Variants in SEMA6D observed in about 807,000 individuals in gnomAD.
SEMA6D encodes semaphorin-6D.
In SEMA6D, 35 loss-of-function variants were observed where a neutral mutation model predicts 106.6. The ratio of observed to expected loss-of-function variants is 0.33; its 90% CI spans 0.25 to 0.44. The LOEUF (loss-of-function observed/expected upper bound fraction) is 0.44. Ranked by LOEUF, SEMA6D falls within the 20% of genes least tolerant of loss-of-function variation. The probability of loss-of-function intolerance (pLI) is 1.00; values close to 1 mark genes in which losing one functional copy is unlikely to be tolerated. For missense variants in SEMA6D, 1,185 were observed against 1,345.9 expected, an observed-to-expected ratio of 0.88 and a Z score of 1.87; for synonymous variants, 499 against 487.7, an observed-to-expected ratio of 1.02 and a Z score of -0.31.
chr15:47,251,768 T>C (rs924084990), intron 1 of SEMA6D, among the ~76,000 whole-genome samples: 3 of 152,098 alleles, frequency 2.0e-5, no homozygotes, highest in Non-Finnish European at 4.4e-5. Context: ...TAGGTAGTTA[T>C]ATTTTATTTT....
At position 47,657,719 on chromosome 15, in the gene SEMA6D, C is replaced by CTTTTTTTTTTTTTTTTTTTTTTTTTTT. The variant is rs71118191; in HGVS notation, c.-55+56837_-55+56863dup. Among the ~76,000 whole-genome samples the CTTTTTTTTTTTTTTTTTTTTTTTTTTT allele has an allele frequency of 3.7e-5, 2 of 54,654 alleles. 1 individual carries two copies. The highest frequency in any genetic ancestry group is 6.3e-5 in the Non-Finnish European group (2 of 31,610). 35.9% of individuals were successfully genotyped at this position (54,654 alleles called of 152,430 possible). The stretch of plus-strand genomic sequence containing the variant: ...CATTTAGTGACAGAGGGCTTCATTT[C>CTTTTTTTTTTTTTTTTTTTTTTTTTTT]TTTTTTTTTTTTTTTTTTTTTTTTT... On this transcript the variant is annotated intron_variant, in intron 4 of 19. Coordinates refer to the SEMA6D transcript ENST00000558014.
At chr15:47,500,322 T>G (rs990390966) in intron 3 of SEMA6D, among the ~76,000 whole-genome samples, 1 of 152,012 alleles carries the variant, frequency 6.6e-6, no homozygotes, top group African/African-American at 2.4e-5. Context: ...AAAAAAAATA[T>G]AAAGATACCA....
At chr15:47,532,624 CA>C (rs1393915775) in intron 3 of SEMA6D, among the ~76,000 whole-genome samples, 2 of 152,158 alleles carry the variant, frequency 1.3e-5, no homozygotes, top group Non-Finnish European at 2.9e-5. Flanking sequence ...ATGGAGTATT[CA>C]GTTGGTTGCT....
At chr15:47,528,425 A>C (rs1055176340) in intron 3 of SEMA6D, among the ~76,000 whole-genome samples, 1 of 152,182 alleles carries the variant, frequency 6.6e-6, no homozygotes, top group Admixed American at 6.5e-5. Flanking sequence ...TTTGAAGTAG[A>C]GTTGGAAAAC....
chr15:47,437,913 G>A (rs184621129), intron 2 of SEMA6D, among the ~76,000 whole-genome samples: 113 of 152,118 alleles, frequency 7.4e-4, no homozygotes, highest in African/African-American at 2.6e-3. Context: ...ACCTTGCTGC[G>A]ACTTAAGTTT....
intron 2 of SEMA6D, among the ~76,000 whole-genome samples, chr15:47,462,138 C>T (rs2042532884): frequency 6.6e-6 from 1 of 152,034 alleles, no homozygotes; most frequent in Non-Finnish European, 1.5e-5. Flanking sequence ...ATTTTTCTGA[C>T]ATCCTGTAGC....
chr15:47,442,874 A>G (rs544524377), intron 2 of SEMA6D, among the ~76,000 whole-genome samples: 2 of 152,222 alleles, frequency 1.3e-5, no homozygotes, highest in South Asian at 4.1e-4. Flanking sequence ...GTATCCTAAA[A>G]TCTATAGATT....
At chr15:47,281,549 G>C (rs1294416589) in intron 1 of SEMA6D, among the ~76,000 whole-genome samples, 2 of 151,550 alleles carry the variant, frequency 1.3e-5, no homozygotes, top group Non-Finnish European at 2.9e-5. Flanking sequence ...ATATTGTTAT[G>C]TGTGAATTTG....
At chr15:47,306,856 T>C (rs1298066871) in intron 1 of SEMA6D, among the ~76,000 whole-genome samples, 1 of 152,268 alleles carries the variant, frequency 6.6e-6, no homozygotes, top group Non-Finnish European at 1.5e-5. Context: ...TTAGAAGATA[T>C]GCAACTCTTC....
chr15:47,220,007 G>A (rs562731698), intron 1 of SEMA6D, among the ~76,000 whole-genome samples: 3 of 152,288 alleles, frequency 2.0e-5, no homozygotes, highest in South Asian at 4.1e-4. Context: ...GTTTGTTCAT[G>A]GCAGCTGGGC....
At chr15:47,648,788 A>G (rs565663764) in intron 4 of SEMA6D, among the ~76,000 whole-genome samples, 11 of 152,312 alleles carry the variant, frequency 7.2e-5, no homozygotes, top group African/African-American at 2.4e-4. Context: ...TAATATTAGA[A>G]GGTTTTGAGT....
chr15:47,685,080 A>G (rs1030122826), intron 4 of SEMA6D, among the ~76,000 whole-genome samples: 2 of 152,258 alleles, frequency 1.3e-5, no homozygotes, highest in Admixed American at 1.3e-4. Context: ...AACATATTCT[A>G]GTCCTCTTCA....
chr15:47,296,752 A>G (rs2142935226), intron 1 of SEMA6D, among the ~76,000 whole-genome samples: 1 of 152,262 alleles, frequency 6.6e-6, no homozygotes. Context: ...ATAAATATTC[A>G]CACAATTGGT....
At chr15:47,395,186 A>G (rs995708851) in intron 1 of SEMA6D, among the ~76,000 whole-genome samples, 1 of 152,230 alleles carries the variant, frequency 6.6e-6, no homozygotes, top group Admixed American at 6.5e-5. Context: ...TTTGGAAAAT[A>G]CATTATACTA....
chr15:47,190,853 G>T (rs971235509), intron 1 of SEMA6D, among the ~76,000 whole-genome samples: 1 of 152,042 alleles, frequency 6.6e-6, no homozygotes, highest in Non-Finnish European at 1.5e-5. Context: ...CTTTTTGAAG[G>T]AATCTCCATA....
rs192970096 is a variant in SEMA6D, at chr15:47,601,673, A to G, written c.-55+777A>G. Among the ~76,000 whole-genome samples, 215 of 152,302 alleles carry G rather than the reference A, an allele frequency of 1.4e-3. 2 individuals carry two copies. The highest frequency in any genetic ancestry group is 5.3e-4 in the African/African-American group (22 of 41,572). On this transcript the variant is annotated intron_variant, in intron 4 of 19. Transcript: ENST00000558014. ...TTCTCCTAAACTACATGTGTTTGCA[A>G]TACGTTTGGCAGAAATGTCCTGTTG...
chr15:47,285,395 G>C (rs928486347), intron 1 of SEMA6D, among the ~76,000 whole-genome samples: 3 of 150,924 alleles, frequency 2.0e-5, no homozygotes, highest in Non-Finnish European at 3.0e-5. Flanking sequence ...AACAAACCTT[G>C]TTTCTTACTT....
At chr15:47,335,031 G>A (rs767592565) in intron 1 of SEMA6D, among the ~76,000 whole-genome samples, 3 of 152,156 alleles carry the variant, frequency 2.0e-5, no homozygotes, top group Admixed American at 6.5e-5. Flanking sequence ...CCTCTAGCCT[G>A]AAATCTACCC....
chr15:47,218,455 C>T (rs1219165256), intron 1 of SEMA6D, among the ~76,000 whole-genome samples: 1 of 152,126 alleles, frequency 6.6e-6, no homozygotes, highest in Non-Finnish European at 1.5e-5. Context: ...AAATTGTTTC[C>T]AGAAAGTGAC....
Sources: gnomAD v4.1 joint callset for allele counts (sites outside exome capture counted in the v4.1 genomes callset) on GRCh38, gnomAD v4.1.1 for gene constraint, MANE v1.5 for transcripts, NCBI Gene and HGNC (gene_info 2026-07-23, HGNC 2026-07-21) for gene names.